The following AMOTL1 variants were observed in gnomAD, a reference collection of about 807,000 sequenced individuals.
The protein encoded by AMOTL1 is angiomotin like 1.
In AMOTL1, 45 loss-of-function variants were observed where a neutral mutation model predicts 102.9. That is an observed-to-expected ratio of 0.44 (90% CI 0.34 to 0.56). The LOEUF (loss-of-function observed/expected upper bound fraction) is 0.56. Among genes scored for constraint, AMOTL1 ranks in the 20% least tolerant of loss-of-function variants. The probability of loss-of-function intolerance (pLI) is 0.01; values close to 1 mark genes in which losing one functional copy is unlikely to be tolerated. For synonymous variants in AMOTL1, 481 were observed against 484.7 expected, an observed-to-expected ratio of 0.99 and a Z score of 0.10; for missense variants, 1,114 against 1,225.6, an observed-to-expected ratio of 0.91 and a Z score of 1.36.
At chr11:94,720,026 G>A (rs1165174101) in intron 1 of AMOTL1, among the ~76,000 whole-genome samples, 1 of 152,096 alleles carries the variant, frequency 6.6e-6, no homozygotes, top group Non-Finnish European at 1.5e-5. Context: ...AACCACTGCT[G>A]TAGATGATGT....
In AMOTL1 at chr11:94,731,508, G is replaced by T. The variant is rs573627960; in HGVS notation, c.85+2453G>T. 5.9e-5 allele frequency among the ~76,000 whole-genome samples: 9 copies of T among 152,312 alleles called. No individual in the cohort carries two copies. The South Asian group carries it at 1.9e-3, about 32-fold the overall frequency. On this transcript the variant is annotated intron_variant, in intron 2 of 4. Transcript: ENST00000299004. Reference sequence around the variant, plus strand: ...TCGTGAGGTGTTGAAGTAGGATGAGGATACTGGCACTCGGAGAGGAAGTGT... The same window carrying T: ...TCGTGAGGTGTTGAAGTAGGATGAGTATACTGGCACTCGGAGAGGAAGTGT...
intron 1 of AMOTL1, among the ~76,000 whole-genome samples, chr11:94,774,321 A>G (rs1950994334): frequency 6.6e-6 from 1 of 152,208 alleles, no homozygotes; most frequent in Non-Finnish European, 1.5e-5. Flanking sequence ...CTTTGCTTCT[A>G]TAAAAGTATG....
intron 6 of AMOTL1, among the ~76,000 whole-genome samples, chr11:94,845,298 C>T (rs1475987738): frequency 6.6e-6 from 1 of 152,194 alleles, no homozygotes; most frequent in South Asian, 2.1e-4. Flanking sequence ...AGGCCTATTT[C>T]TACTTTCTAC....
chr11:94,758,070 A>C (rs1418121872), intron 3 of AMOTL1, among the ~76,000 whole-genome samples: 1 of 152,220 alleles, frequency 6.6e-6, no homozygotes, highest in African/African-American at 2.4e-5. Flanking sequence ...TCAAAAAAAC[A>C]AAAAAGGCAA....
chr11:94,842,981 T>C (rs1952337757), intron 6 of AMOTL1, among the ~76,000 whole-genome samples: 1 of 152,226 alleles, frequency 6.6e-6, no homozygotes, highest in South Asian at 2.1e-4. Flanking sequence ...TTCCTGTTTG[T>C]GAATAGACCC....
intron 1 of AMOTL1, among the ~76,000 whole-genome samples, chr11:94,770,826 G>GCA (rs1950938542): frequency 6.6e-6 from 1 of 152,206 alleles, no homozygotes; most frequent in African/African-American, 2.4e-5. Context: ...TTATGGGAAA[G>GCA]CACTCCGCTG....
intron 11 of AMOTL1, 117 bp from the exon 12 acceptor site, chr11:94,869,081 A>G: frequency 2.5e-6 from 3 of 1,198,968 alleles, no homozygotes; most frequent in Non-Finnish European, 3.4e-6. Flanking sequence ...TGCTTGGGGA[A>G]TGAATCAATG....
In AMOTL1 at chr11:94,718,141, T is replaced by C. The variant is rs73525859; in HGVS notation, c.-50-10780T>C. Reference sequence around the variant, plus strand: ...GCTATTCCTTGAAGGCCTGTCTCTATGTGATTAAAAGTGTACATGTGTATC... The same window carrying C: ...GCTATTCCTTGAAGGCCTGTCTCTACGTGATTAAAAGTGTACATGTGTATC... On this transcript the variant is annotated intron_variant, in intron 1 of 4. Coordinates refer to the AMOTL1 transcript ENST00000299004. Among the ~76,000 whole-genome samples the C allele has an allele frequency of 5.8e-3, 882 of 152,112 alleles. 6 individuals are homozygous for C. Among genetic ancestry groups the C allele is most frequent in the African/African-American group, 0.02 (818 of 41,548 alleles).
intron 3 of AMOTL1, among the ~76,000 whole-genome samples, chr11:94,745,595 C>A (rs1950581175): frequency 6.6e-6 from 1 of 152,082 alleles, no homozygotes; most frequent in African/African-American, 2.4e-5. Context: ...AGTTTGAATT[C>A]TCTTGCAGTT....
At chr11:94,735,923 G>A (rs1306351366) in intron 2 of AMOTL1, among the ~76,000 whole-genome samples, 1 of 152,184 alleles carries the variant, frequency 6.6e-6, no homozygotes, top group African/African-American at 2.4e-5. Context: ...ATTAGAGTTA[G>A]GAGTTGGGTT....
intron 11 of AMOTL1, 101 bp downstream of exon 11, chr11:94,866,269 C>G: frequency 1.8e-6 from 2 of 1,134,292 alleles, no homozygotes; most frequent in Non-Finnish European, 2.5e-6. Flanking sequence ...AGTTCCTGGT[C>G]TCAGTTTACT....
chr11:94,787,543 C>T (rs1462115338), intron 1 of AMOTL1, among the ~76,000 whole-genome samples: 1 of 151,452 alleles, frequency 6.6e-6, no homozygotes, highest in Non-Finnish European at 1.5e-5. Flanking sequence ...CAAAAATTAG[C>T]CGGGCATGGT....
Position 94,853,983 on chromosome 11 carries a change from C to T in AMOTL1, c.1845C>T (p.Ala615=). 6.2e-7 allele frequency: 1 copy of T among 1,604,138 alleles called. No individual in the cohort carries two copies. ...AGAAAGTTGAGAAGCTGCAGCAGGC[C>T]CTGACCCAGCTGCAGTCTGCATGTG... is the stretch of plus-strand genomic sequence containing the variant. ...YVEKVEKLQQ[A]LTQLQSACEK... Residue 615 remains alanine, a synonymous_variant, in exon 8 of 13, where the codon GCC becomes GCT. Coordinates refer to ENST00000433060, the MANE Select transcript of AMOTL1 (RefSeq NM_130847.3).
chr11:94,711,089 C>T (rs988695448), intron 1 of AMOTL1, among the ~76,000 whole-genome samples: 2 of 152,116 alleles, frequency 1.3e-5, no homozygotes, highest in African/African-American at 4.8e-5. Context: ...TAAAATCACT[C>T]TTGAGAGCCA....
chr11:94,797,543 G>C (rs1951392312), intron 2 of AMOTL1, among the ~76,000 whole-genome samples: 1 of 152,184 alleles, frequency 6.6e-6, no homozygotes, highest in Non-Finnish European at 1.5e-5. Flanking sequence ...TGTGAGAATT[G>C]CTGCAATGGA....
chr11:94,726,029 G>A (rs1347244364), intron 1 of AMOTL1, among the ~76,000 whole-genome samples: 2 of 152,266 alleles, frequency 1.3e-5, no homozygotes, highest in Non-Finnish European at 2.9e-5. Flanking sequence ...CAAAGGCTGA[G>A]GCAATGAAAA....
chr11:94,762,180 G>C (rs933901976), intron 3 of AMOTL1, among the ~76,000 whole-genome samples: 1 of 152,228 alleles, frequency 6.6e-6, no homozygotes, highest in Non-Finnish European at 1.5e-5. Context: ...AATCATAATA[G>C]AATGATATAT....
intron 6 of AMOTL1, among the ~76,000 whole-genome samples, chr11:94,844,843 A>G (rs1952375419): frequency 6.6e-6 from 1 of 152,148 alleles, no homozygotes; most frequent in African/African-American, 2.4e-5. Context: ...TGTTTTACCT[A>G]CCAAGCACTC....
intron 6 of AMOTL1, among the ~76,000 whole-genome samples, chr11:94,840,996 T>G (rs180859327): frequency 5.3e-5 from 8 of 152,262 alleles, no homozygotes; most frequent in African/African-American, 1.9e-4. Flanking sequence ...AGAAACTGTC[T>G]GCTTCTGTTC....
Sources: allele counts gnomAD v4.1 joint callset (sites outside exome capture counted in the v4.1 genomes callset), GRCh38; gene constraint gnomAD v4.1.1; transcripts MANE v1.5; gene names NCBI Gene and HGNC (gene_info 2026-07-23, HGNC 2026-07-21).